Variants in TAFA1 observed in about 807,000 individuals in gnomAD.
The protein encoded by TAFA1 is TAFA chemokine like family member 1.
Under a neutral mutation model 18.5 loss-of-function variants are expected in TAFA1, and 4 were observed. That is an observed-to-expected ratio of 0.22 (90% confidence interval 0.11 to 0.49). The LOEUF is 0.49. Ranked by LOEUF, TAFA1 falls within the 20% of genes least tolerant of loss-of-function variation. The pLI is 0.98. For missense variants in TAFA1, 147 were observed against 169.0 expected, an observed-to-expected ratio of 0.87 and a Z score of 0.72; for synonymous variants, 56 against 55.2, an observed-to-expected ratio of 1.01 and a Z score of -0.06.
intron 3 of TAFA1, among the ~76,000 whole-genome samples, chr3:68,517,324 T>G (rs9838165): frequency 0.25 from 38,546 of 152,110 alleles, 5,106 homozygotes; most frequent in Admixed American, 0.33. Flanking sequence ...AAGGTAATAA[T>G]GTTTCCTTTT....
At chr3:68,300,965 T>A (rs952855364) in intron 2 of TAFA1, among the ~76,000 whole-genome samples, 1 of 152,138 alleles carries the variant, frequency 6.6e-6, no homozygotes, top group Non-Finnish European at 1.5e-5. Context: ...CAGTCTGAGG[T>A]AGTTCTTAAT....
At chr3:68,240,853 A>G (rs2066987417) in intron 2 of TAFA1, among the ~76,000 whole-genome samples, 1 of 152,176 alleles carries the variant, frequency 6.6e-6, no homozygotes, top group African/African-American at 2.4e-5. Flanking sequence ...ACCTCCTTTT[A>G]TCAGTCTAGG....
At chr3:68,124,450 T>C (rs1575630309) in intron 2 of TAFA1, among the ~76,000 whole-genome samples, 1 of 152,240 alleles carries the variant, frequency 6.6e-6, no homozygotes, top group East Asian at 1.9e-4. Context: ...GTATATAAAA[T>C]TGTGTGATAT....
At chr3:68,270,035 A>C (rs1357699899) in intron 2 of TAFA1, among the ~76,000 whole-genome samples, 2 of 152,168 alleles carry the variant, frequency 1.3e-5, no homozygotes, top group Admixed American at 1.3e-4. Flanking sequence ...CTTCAGGCTA[A>C]AAGGCATGCT....
intron 2 of TAFA1, among the ~76,000 whole-genome samples, chr3:68,036,417 C>A (rs980990293): frequency 1.6e-5 from 2 of 122,520 alleles, no homozygotes; most frequent in Non-Finnish European, 3.2e-5. Flanking sequence ...CCAGCCTTGG[C>A]GACAGAGTGA....
At chr3:68,030,784 A>G (rs141956972) in intron 2 of TAFA1, among the ~76,000 whole-genome samples, 170 of 152,148 alleles carry the variant, frequency 1.1e-3, no homozygotes, top group African/African-American at 3.8e-3. Flanking sequence ...ACTCCACTTG[A>G]TGGAATTTTA....
chr3:68,225,996 C>T (rs1434598827), intron 2 of TAFA1, among the ~76,000 whole-genome samples: 1 of 152,114 alleles, frequency 6.6e-6, no homozygotes, highest in Non-Finnish European at 1.5e-5. Flanking sequence ...GTTAAAGAGT[C>T]ATATTTCACA....
intron 2 of TAFA1, among the ~76,000 whole-genome samples, chr3:68,408,141 C>G (rs936904032): frequency 6.6e-6 from 1 of 152,140 alleles, no homozygotes; most frequent in Non-Finnish European, 1.5e-5. Context: ...TTACATATTA[C>G]AGCTTTTAAA....
At chr3:68,344,162 A>C (rs1175636597) in intron 2 of TAFA1, among the ~76,000 whole-genome samples, 4 of 152,158 alleles carry the variant, frequency 2.6e-5, no homozygotes, top group African/African-American at 9.6e-5. Flanking sequence ...TATAATATTT[A>C]ATATATTCAC....
intron 2 of TAFA1, among the ~76,000 whole-genome samples, chr3:68,218,525 A>G (rs1361670196): frequency 6.6e-6 from 1 of 151,964 alleles, no homozygotes; most frequent in African/African-American, 2.4e-5. Flanking sequence ...TTTATATCTC[A>G]TATCTTTATG....
intron 3 of TAFA1, among the ~76,000 whole-genome samples, chr3:68,443,845 A>C (rs983239247): frequency 1.3e-5 from 2 of 152,180 alleles, no homozygotes; most frequent in Non-Finnish European, 2.9e-5. Flanking sequence ...TATAAACCAC[A>C]ACATGAGTCA....
intron 2 of TAFA1, among the ~76,000 whole-genome samples, chr3:68,114,881 A>T (rs1223836599): frequency 6.6e-6 from 1 of 152,248 alleles, no homozygotes; most frequent in Non-Finnish European, 1.5e-5. Flanking sequence ...GAAAAATTAC[A>T]GTTAATTTTT....
At position 68,529,285 on chromosome 3, in the gene TAFA1, G is replaced by C. The variant is rs150288710; in HGVS notation, c.260-9471G>C. Among the ~76,000 whole-genome samples, 16 of 151,654 alleles carry C rather than the reference G, an allele frequency of 1.1e-4. No individual in the cohort carries two copies. In the East Asian group the frequency reaches 3.1e-3, roughly 30 times the overall value. On this transcript the variant is annotated intron_variant, in intron 3 of 4. Coordinates refer to ENST00000478136, the MANE Select transcript of TAFA1 (RefSeq NM_213609.4). ...TTCTAGTGCAAGCATGTAAAATCAG[G>C]AGCTTATCTTTTCTCTTTGAGTTTA...
chr3:68,526,763 G>A (rs1217538688), intron 3 of TAFA1, among the ~76,000 whole-genome samples: 1 of 151,896 alleles, frequency 6.6e-6, no homozygotes, highest in East Asian at 1.9e-4. Flanking sequence ...AAGTGTAAAA[G>A]AATGCCTCTG....
At chr3:68,469,246 T>A (rs1008635889) in intron 3 of TAFA1, among the ~76,000 whole-genome samples, 1 of 152,080 alleles carries the variant, frequency 6.6e-6, no homozygotes, top group Admixed American at 6.6e-5. Flanking sequence ...GTATAGGTTA[T>A]TGAAAGAAGA....
At chr3:68,125,161 T>A (rs2065449209) in intron 2 of TAFA1, among the ~76,000 whole-genome samples, 1 of 152,216 alleles carries the variant, frequency 6.6e-6, no homozygotes, top group Admixed American at 6.5e-5. Flanking sequence ...ATCTTTATCC[T>A]GCATCCCACT....
At chr3:68,370,466 GTGTGTGTA>G (rs1470743450) in intron 2 of TAFA1, among the ~76,000 whole-genome samples, 2 of 17,322 alleles carry the variant, frequency 1.2e-4, no homozygotes, top group African/African-American at 5.2e-4. Flanking sequence ...GTGTGTGTGT[GTGTGTGTA>G]TATATATATA....
chr3:68,400,360 A>G (rs2070463399), intron 2 of TAFA1, among the ~76,000 whole-genome samples: 1 of 152,224 alleles, frequency 6.6e-6, no homozygotes. Context: ...TTCACCAGTT[A>G]TAAAATACAA....
chr3:68,285,712 G>A (rs1202053621), intron 2 of TAFA1, among the ~76,000 whole-genome samples: 5 of 152,092 alleles, frequency 3.3e-5, no homozygotes, highest in Admixed American at 6.6e-5. Flanking sequence ...TGTGGATTTC[G>A]TTTGGGTCCT....
Sources: gnomAD v4.1 joint callset for allele counts (sites outside exome capture counted in the v4.1 genomes callset) on GRCh38, gnomAD v4.1.1 for gene constraint, MANE v1.5 for transcripts, NCBI Gene and HGNC (gene_info 2026-07-23, HGNC 2026-07-21) for gene names.